Variants in TBC1D9 observed in about 807,000 individuals in gnomAD.
The protein encoded by TBC1D9 is TBC1 domain family member 9A.
TBC1D9 carries 63 observed loss-of-function variants against 132.0 expected under a neutral mutation model. The ratio of observed to expected loss-of-function variants is 0.48; its 90% CI spans 0.39 to 0.59. The LOEUF (loss-of-function observed/expected upper bound fraction) is 0.59. TBC1D9 is among the 20% of genes least tolerant of loss of function. TBC1D9 has a pLI of 0.00. For synonymous variants in TBC1D9, 610 were observed against 609.9 expected (o/e 1.00, Z 0.00); for missense variants, 1,261 against 1,592.7 (o/e 0.79, Z 3.54).
At chr4:140,673,355 A>G (rs185366065) in intron 6 of TBC1D9, among the ~76,000 whole-genome samples, 1,547 of 152,196 alleles carry the variant, frequency 0.01, 14 homozygotes, top group Non-Finnish European at 0.015. Context: ...GTGAAACAAC[A>G]ATTCTTGGTC....
intron 13 of TBC1D9, chr4:140,642,647 T>G (rs766561743): frequency 2.8e-6 from 2 of 710,620 alleles, no homozygotes; most frequent in East Asian, 5.0e-5. Flanking sequence ...AGCCTCGTGT[T>G]CATCCCAAGT....
chr4:140,716,482 C>G (rs1448295393), intron 1 of TBC1D9, among the ~76,000 whole-genome samples: 2 of 151,592 alleles, frequency 1.3e-5, no homozygotes, highest in Non-Finnish European at 2.9e-5. Flanking sequence ...AAAGCAAGAC[C>G]CTGTCTCAAA....
intron 13 of TBC1D9, chr4:140,643,643 C>G: frequency 9.5e-7 from 1 of 1,056,170 alleles, no homozygotes; most frequent in South Asian, 1.6e-5. Flanking sequence ...CAGGCACCTC[C>G]ACTGGCTCCT....
chr4:140,622,819 G>A lies in TBC1D9; in HGVS notation c.3177C>T (p.Leu1059=), dbSNP rs1327962826. 3.7e-6 allele frequency: 6 copies of A among 1,600,738 alleles called. No homozygotes were observed. The highest frequency in any genetic ancestry group is 1.7e-6 in the Non-Finnish European group (2 of 1,177,384). The change falls in exon 21 of 21, where the codon CTC becomes CTT. Residue 1059 remains leucine, a synonymous_variant. Transcript: ENST00000442267. ...TGCCGACCTCCCCAATCTCCAGCAG[G>A]AGGCTGGTCACTGCTGCCGTGGCGT... ...LYHATAAVTS[L]LLEIGEVGKL...
chr4:140,698,609 G>A (rs938412124), intron 2 of TBC1D9, among the ~76,000 whole-genome samples: 3 of 151,930 alleles, frequency 2.0e-5, no homozygotes, highest in Admixed American at 6.6e-5. Flanking sequence ...CTGGCAGGGC[G>A]TGCCTGTAAT....
chr4:140,715,136 C>G (rs543174639), intron 1 of TBC1D9, among the ~76,000 whole-genome samples: 1 of 152,098 alleles, frequency 6.6e-6, no homozygotes. Context: ...AACAAACAAA[C>G]GAACAAACAA....
At chr4:140,741,519 C>T (rs767044292) in intron 1 of TBC1D9, among the ~76,000 whole-genome samples, 1 of 152,052 alleles carries the variant, frequency 6.6e-6, no homozygotes, top group African/African-American at 2.4e-5. Flanking sequence ...GAATTCAAGA[C>T]CAGACTGGGC....
chr4:140,644,700 C>T, intron 13 of TBC1D9: 1 of 417,856 alleles, frequency 2.4e-6, no homozygotes, highest in African/African-American at 2.1e-5. Context: ...CCTGCAGCTG[C>T]AGGAAGTGCT....
At chr4:140,663,147 G>A (rs879324731) in intron 9 of TBC1D9, among the ~76,000 whole-genome samples, 4 of 152,172 alleles carry the variant, frequency 2.6e-5, no homozygotes, top group Admixed American at 1.3e-4. Context: ...CCATATGTCT[G>A]ATAAGGGGTC....
intron 1 of TBC1D9, among the ~76,000 whole-genome samples, chr4:140,719,440 T>C (rs1487971937): frequency 1.3e-5 from 2 of 152,174 alleles, no homozygotes; most frequent in African/African-American, 4.8e-5. Context: ...AACTTGCATC[T>C]TCTTTTTCTA....
rs780423469 is a variant in TBC1D9 at position 140,677,068 on chromosome 4, G to A, written c.885C>T (p.Tyr295=). The A allele has an allele frequency of 1.2e-6, 2 of 1,613,862 alleles. No homozygotes were observed. The highest frequency in any genetic ancestry group is 2.2e-5 in the South Asian group (2 of 91,066). ...DLDARAKSER[Y]RALFRLPKDE... Reference sequence around the variant, plus strand: ...CTTTGGGCAGCCGGAAAAGTGCACGGTATCTCTCACTCTTTGCCCTGGCAT... The same window carrying A: ...CTTTGGGCAGCCGGAAAAGTGCACGATATCTCTCACTCTTTGCCCTGGCAT... Residue 295 remains tyrosine, a synonymous_variant, in exon 6 of 21, where the codon TAC becomes TAT. Transcript: ENST00000442267.
intron 1 of TBC1D9, among the ~76,000 whole-genome samples, chr4:140,740,273 G>A (rs1187634691): frequency 2.0e-5 from 3 of 152,206 alleles, no homozygotes; most frequent in Non-Finnish European, 4.4e-5. Flanking sequence ...GGCATCTGCT[G>A]AAGGACTGCT....
chr4:140,655,699 G>A (rs1402089096), intron 13 of TBC1D9, among the ~76,000 whole-genome samples: 1 of 152,170 alleles, frequency 6.6e-6, no homozygotes, highest in African/African-American at 2.4e-5. Flanking sequence ...TAGTTCTGTT[G>A]TGAGATAGAG....
chr4:140,729,455 A>G (rs1254381361), intron 1 of TBC1D9, among the ~76,000 whole-genome samples: 1 of 152,206 alleles, frequency 6.6e-6, no homozygotes, highest in Non-Finnish European at 1.5e-5. Flanking sequence ...CAGGGAGATG[A>G]TAATTTCAGT....
chr4:140,677,223 C>T, intron 5 of TBC1D9, 122 bp from the exon 6 acceptor site: 1 of 1,078,968 alleles, frequency 9.3e-7, no homozygotes, highest in Non-Finnish European at 1.3e-6. Context: ...TCATCCCCCG[C>T]TTCTCAGCTT....
intron 13 of TBC1D9, among the ~76,000 whole-genome samples, chr4:140,649,378 C>T (rs1407491746): frequency 6.6e-6 from 1 of 152,104 alleles, no homozygotes; most frequent in Non-Finnish European, 1.5e-5. Context: ...GGTTATTTTC[C>T]CAGTATGCAG....
rs1737013496 is a variant in TBC1D9, at chr4:140,642,272, T to G, written c.2338-2844A>C. 4.2e-6 allele frequency: 3 copies of G among 708,022 alleles called. No individual in the cohort carries two copies. In the Admixed American group the frequency reaches 6.9e-5, roughly 16 times the overall value. 43.9% of individuals were successfully genotyped at this position (708,022 alleles called of 1,614,324 possible). ...CTGTATTGTAAGAGTAGCTGCTCACTTCGGAGGCAAACGCGGAATGGGCCG... is the reference window on the plus strand; with the variant it reads ...CTGTATTGTAAGAGTAGCTGCTCACGTCGGAGGCAAACGCGGAATGGGCCG... On this transcript the variant is annotated intron_variant, in intron 13 of 20. Coordinates refer to ENST00000442267, the MANE Select transcript of TBC1D9 (RefSeq NM_015130.3).
At position 140,622,299 on chromosome 4, in the gene TBC1D9, G is replaced by A; in HGVS notation, c.3697C>T (p.Pro1233Ser). Residue 1233 changes from proline (P) to serine (S), a missense_variant, in exon 21 of 21, where the codon CCC becomes TCC. By Grantham distance (74) the Pro-to-Ser change is moderately conservative (BLOSUM62 -1). This residue lies in a region of TBC1D9 where 618 missense variants were observed against 724.4 expected (regional missense o/e 0.85). Transcript: ENST00000442267. ...GTAATCCTGGCCATCATGCACACGG[G>A]CTTGTCAAAGTACTTGACCAGGGCA... Reference protein sequence around the residue: ...EPALVKYFDKPVCMMARITSA... With the variant: ...EPALVKYFDKSVCMMARITSA... 6.2e-7 allele frequency: 1 copy of A among 1,613,404 alleles called. No homozygotes were observed. Among genetic ancestry groups the A allele is most frequent in the East Asian group, 2.2e-5 (1 of 44,830 alleles).
chr4:140,663,089 C>A (rs548853376), intron 9 of TBC1D9, among the ~76,000 whole-genome samples: 60 of 152,182 alleles, frequency 3.9e-4, no homozygotes, highest in African/African-American at 1.4e-3. Flanking sequence ...CTCTGCACAG[C>A]AAAGGAAGCA....
Sources: gnomAD v4.1 joint callset for allele counts (sites outside exome capture counted in the v4.1 genomes callset) on GRCh38, gnomAD v4.1.1 for gene constraint, gnomAD v4.1.1 regional missense constraint, MANE v1.5 for transcripts, NCBI Gene and HGNC (gene_info 2026-07-23, HGNC 2026-07-21) for gene names.